INPP4B: variants seen among roughly 807,000 people sequenced by gnomAD.
The protein encoded by INPP4B is inositol polyphosphate-4-phosphatase type II B.
In INPP4B, 55 loss-of-function variants were observed where a neutral mutation model predicts 122.5. The observed-to-expected ratio is 0.45, with a 90% CI of 0.36 to 0.56. The LOEUF is 0.56. INPP4B is among the 20% of genes least tolerant of loss of function. INPP4B has a pLI of 0.00. For synonymous variants in INPP4B, 403 were observed against 388.7 expected (o/e 1.04, Z -0.43); for missense variants, 1,000 against 1,097.7 (o/e 0.91, Z 1.26).
At chr4:142,818,153 TG>T (rs1463392517) in intron 1 of INPP4B, among the ~76,000 whole-genome samples, 2 of 152,208 alleles carry the variant, frequency 1.3e-5, no homozygotes, top group Non-Finnish European at 1.5e-5. Context: ...TGGCATCGTA[TG>T]AAAAAGTGTG....
chr4:142,311,927 G>A (rs1290722245), intron 8 of INPP4B, among the ~76,000 whole-genome samples: 1 of 152,056 alleles, frequency 6.6e-6, no homozygotes, highest in Non-Finnish European at 1.5e-5. Context: ...ATAGAGTCTG[G>A]TTGCTTCAAG....
At chr4:142,487,021 T>C (rs1821282179) in intron 2 of INPP4B, among the ~76,000 whole-genome samples, 1 of 152,174 alleles carries the variant, frequency 6.6e-6, no homozygotes, top group Admixed American at 6.6e-5. Flanking sequence ...CCCACGTGTT[T>C]TGGGAGGGAC....
At chr4:142,112,838 T>G (rs916911444) in intron 21 of INPP4B, among the ~76,000 whole-genome samples, 156 bp from the exon 22 acceptor site, 1 of 152,180 alleles carries the variant, frequency 6.6e-6, no homozygotes, top group Non-Finnish European at 1.5e-5. Flanking sequence ...ATCTCCTTAT[T>G]AAATTACTTG....
chr4:142,638,404 C>T (rs745455383), intron 2 of INPP4B, among the ~76,000 whole-genome samples: 107 of 152,022 alleles, frequency 7.0e-4, no homozygotes, highest in Middle Eastern at 6.8e-3. Context: ...TAATTTTTTG[C>T]CTGTGTTATT....
At chr4:142,129,795 C>T (rs1442555440) in intron 18 of INPP4B, among the ~76,000 whole-genome samples, 1 of 152,082 alleles carries the variant, frequency 6.6e-6, no homozygotes, top group Non-Finnish European at 1.5e-5. Flanking sequence ...TTTTATTTTT[C>T]TTCTTTTAAT....
intron 21 of INPP4B, among the ~76,000 whole-genome samples, chr4:142,119,688 C>T (rs1795603166): frequency 6.6e-6 from 1 of 151,482 alleles, no homozygotes; most frequent in African/African-American, 2.4e-5. Flanking sequence ...GGAGATATAC[C>T]TAATGTAAAT....
intron 15 of INPP4B, among the ~76,000 whole-genome samples, chr4:142,176,118 T>TTTATTA (rs146074826): frequency 0.19 from 26,243 of 137,402 alleles, 3,028 homozygotes; most frequent in African/African-American, 0.31. Context: ...ACTGCTTTCT[T>TTTATTA]TTATTATTAT....
chr4:142,052,074 T>C (rs1754910372), intron 25 of INPP4B, among the ~76,000 whole-genome samples: 1 of 152,042 alleles, frequency 6.6e-6, no homozygotes, highest in South Asian at 2.1e-4. Context: ...TAAAATGTTC[T>C]GACTTCCTTA....
At chr4:142,240,756 A>G (rs1176094272) in intron 11 of INPP4B, among the ~76,000 whole-genome samples, 1 of 152,120 alleles carries the variant, frequency 6.6e-6, no homozygotes, top group Non-Finnish European at 1.5e-5. Context: ...AATACCTCCT[A>G]TGTATCATAA....
chr4:142,586,332 AAAC>A (rs971325299), intron 2 of INPP4B, among the ~76,000 whole-genome samples: 15 of 152,012 alleles, frequency 9.9e-5, no homozygotes, highest in African/African-American at 1.9e-4. Context: ...AAAACAACAA[AAAC>A]AACAACAACA....
At chr4:142,143,416 T>C (rs1463814902) in intron 18 of INPP4B, among the ~76,000 whole-genome samples, 1 of 152,006 alleles carries the variant, frequency 6.6e-6, no homozygotes, top group Admixed American at 6.6e-5. Context: ...TAGCAATAAA[T>C]TTATATTCCT....
intron 2 of INPP4B, among the ~76,000 whole-genome samples, chr4:142,538,815 T>C (rs1376977429): frequency 1.3e-5 from 2 of 152,020 alleles, no homozygotes; most frequent in Non-Finnish European, 2.9e-5. Context: ...ATGTGTCCTA[T>C]TGAAATAAGA....
At chr4:142,664,537 A>G (rs1383057839) in intron 2 of INPP4B, among the ~76,000 whole-genome samples, 4 of 152,140 alleles carry the variant, frequency 2.6e-5, no homozygotes, top group African/African-American at 9.7e-5. Context: ...CGTCACTTCC[A>G]TTCAGAAACA....
chr4:142,374,345 A>C (rs1791043179), intron 7 of INPP4B, among the ~76,000 whole-genome samples: 1 of 151,874 alleles, frequency 6.6e-6, no homozygotes, highest in South Asian at 2.1e-4. Flanking sequence ...TGTATGCTAT[A>C]ATTTTTTTCT....
intron 2 of INPP4B, among the ~76,000 whole-genome samples, chr4:142,520,535 ATTTAC>A (rs1033412125): frequency 6.6e-5 from 10 of 151,928 alleles, no homozygotes; most frequent in African/African-American, 2.4e-4. Flanking sequence ...AGTCAATTCT[ATTTAC>A]TTTATTTATT....
chr4:142,827,430 A>G (rs945691145), intron 1 of INPP4B, among the ~76,000 whole-genome samples: 2 of 152,196 alleles, frequency 1.3e-5, no homozygotes, highest in Non-Finnish European at 2.9e-5. Context: ...TATAAATTGG[A>G]AAAAAGCCAA....
intron 1 of INPP4B, among the ~76,000 whole-genome samples, chr4:142,769,410 A>G (rs1175377499): frequency 6.6e-6 from 1 of 152,132 alleles, no homozygotes; most frequent in African/African-American, 2.4e-5. Flanking sequence ...CTTAATAAGT[A>G]CACCTGCGAT....
intron 2 of INPP4B, among the ~76,000 whole-genome samples, chr4:142,619,744 G>A (rs1444625763): frequency 6.6e-6 from 1 of 151,922 alleles, no homozygotes; most frequent in East Asian, 1.9e-4. Context: ...TGTGTTAAGA[G>A]GGCAGATCTC....
chr4:142,437,182 T>C (rs1327391175), intron 3 of INPP4B, among the ~76,000 whole-genome samples: 1 of 151,810 alleles, frequency 6.6e-6, no homozygotes, highest in Non-Finnish European at 1.5e-5. Context: ...ACTATCTTGC[T>C]GAAATAAGGT....
Sources: gnomAD v4.1 joint callset for allele counts (sites outside exome capture counted in the v4.1 genomes callset) on GRCh38, gnomAD v4.1.1 for gene constraint, MANE v1.5 for transcripts, NCBI Gene and HGNC (gene_info 2026-07-23, HGNC 2026-07-21) for gene names.